XRN1: variants seen among roughly 807,000 people sequenced by gnomAD.
XRN1 encodes the protein 5'-3' exoribonuclease 1.
In XRN1, 67 loss-of-function variants were observed where a neutral mutation model predicts 222.3. The ratio of observed to expected loss-of-function variants is 0.30; its 90% CI spans 0.25 to 0.37. The LOEUF is 0.37. Among genes scored for constraint, XRN1 ranks in the 10% least tolerant of loss-of-function variants. XRN1 has a pLI of 1.00. For synonymous variants in XRN1, 643 were observed against 652.4 expected (o/e 0.99, Z 0.22); for missense variants, 1,707 against 2,000.2 (o/e 0.85, Z 2.80).
chr3:142,358,340 C>T (rs1445982703), intron 30 of XRN1, among the ~76,000 whole-genome samples: 3 of 152,086 alleles, frequency 2.0e-5, no homozygotes, highest in African/African-American at 7.2e-5. Flanking sequence ...ATTAAAGAAT[C>T]CTTCTCTTGT....
intron 12 of XRN1, 32 bp downstream of exon 12, chr3:142,418,472 A>G (rs1212942187): frequency 3.3e-6 from 5 of 1,513,580 alleles, no homozygotes; most frequent in Non-Finnish European, 3.6e-6. Context: ...AATTTTTTCT[A>G]TTTTAAAATA....
At chr3:142,396,680 C>G (rs1273491955) in intron 20 of XRN1, among the ~76,000 whole-genome samples, 1 of 152,092 alleles carries the variant, frequency 6.6e-6, no homozygotes, top group South Asian at 2.1e-4. Flanking sequence ...CTGAATTCTC[C>G]GAAAGCTTAT....
At chr3:142,405,627 G>C (rs532530838) in intron 15 of XRN1, among the ~76,000 whole-genome samples, 2 of 152,152 alleles carry the variant, frequency 1.3e-5, no homozygotes, top group South Asian at 2.1e-4. Flanking sequence ...TTTTGATAAA[G>C]CTACTGTAAT....
At position 142,310,709 on chromosome 3, in the gene XRN1, TTTTA is replaced by T. The variant is rs1487013184; in HGVS notation, c.*798_*801del. ...TAATTAACATGACTAATATTTCATA[TTTTA>T]TTTTGTTAGAAGATTAATTTGTAAT... On this transcript the variant is annotated 3_prime_UTR_variant, in exon 41 of 41. Transcript: ENST00000392981. 5 of 152,646 alleles carry T rather than the reference TTTTA, an allele frequency of 3.3e-5. No homozygotes were observed. The highest frequency in any genetic ancestry group is 1.2e-4 in the African/African-American group (5 of 41,462). The allele number at this position is 152,646 out of a possible 1,614,324, so 9.5% of individuals were successfully genotyped here.
intron 19 of XRN1, among the ~76,000 whole-genome samples, chr3:142,399,963 CAAAA>C (rs565626876): frequency 1.1e-3 from 161 of 151,490 alleles, no homozygotes; most frequent in Admixed American, 4.3e-3. Context: ...AAAAAAACGA[CAAAA>C]AATAATTTAT....
chr3:142,307,521 TA>T lies in XRN1; in HGVS notation c.*3989del, dbSNP rs1400651960. 6.6e-6 allele frequency: 1 copy of T among 152,196 alleles called. No homozygotes were observed. The highest frequency in any genetic ancestry group is 2.4e-5 in the African/African-American group (1 of 41,458). 9.4% of individuals were successfully genotyped at this position (152,196 alleles called of 1,614,324 possible). On this transcript the variant is annotated 3_prime_UTR_variant, in exon 41 of 41. Transcript: ENST00000392981. ...TCACTGACACACACACAAAAGCAGC[TA>T]CAGATAGTTGACATTTTGGACTACT...
At chr3:142,393,888 G>A (rs556326724) in intron 20 of XRN1, among the ~76,000 whole-genome samples, 1 of 151,192 alleles carries the variant, frequency 6.6e-6, no homozygotes, top group East Asian at 1.9e-4. Flanking sequence ...GTGCAGTGGT[G>A]TGATCTTGGC....
At chr3:142,355,584 T>C in intron 31 of XRN1, 88 bp from the exon 32 acceptor site, 1 of 902,210 alleles carries the variant, frequency 1.1e-6, no homozygotes, top group Non-Finnish European at 1.7e-6. Context: ...TCTATTAATG[T>C]TATTCAGTGG....
At chr3:142,324,790 A>T (rs999120902) in intron 37 of XRN1, among the ~76,000 whole-genome samples, 57 of 152,046 alleles carry the variant, frequency 3.7e-4, no homozygotes, top group African/African-American at 1.4e-3. Context: ...TCACCATTCT[A>T]ACTGGTGTGA....
intron 35 of XRN1, 97 bp from the exon 36 acceptor site, chr3:142,332,631 C>T: frequency 1.7e-6 from 2 of 1,153,634 alleles, no homozygotes; most frequent in Non-Finnish European, 2.4e-6. Flanking sequence ...GAAAGAATTC[C>T]ATTGTTAACA....
Position 142,310,028 on chromosome 3 carries a change from T to C in XRN1, c.*1483A>G, listed in dbSNP as rs1014055398. 6.6e-6 allele frequency: 1 copy of C among 152,604 alleles called. No individual in the cohort carries two copies. Among genetic ancestry groups the C allele is most frequent in the African/African-American group, 2.4e-5 (1 of 41,442 alleles). The allele number at this position is 152,604 out of a possible 1,614,324, so 9.5% of individuals were successfully genotyped here. A position where few individuals can be genotyped will look rare whatever the true frequency, so the allele number is the denominator to read the frequency against. On this transcript the variant is annotated 3_prime_UTR_variant, in exon 41 of 41. Transcript: ENST00000392981. ...AAAATCATGGAAACTTATACGACTATGATAAATGACAGATAATGAATATTT... is the reference window on the plus strand; with the variant it reads ...AAAATCATGGAAACTTATACGACTACGATAAATGACAGATAATGAATATTT...
Position 142,318,916 on chromosome 3 carries a change from A to AAT in XRN1, c.4405-15_4405-14dup. 1 of 1,601,562 alleles carries AAT rather than the reference A, an allele frequency of 6.2e-7. No homozygotes were observed. The highest frequency in any genetic ancestry group is 1.3e-5 in the African/African-American group (1 of 74,712). ...AAACGGTCATTGTCTAAAAAAAGAGAATATATATGTCTATGAAATTCTCTG... is the reference window on the plus strand; with the variant it reads ...AAACGGTCATTGTCTAAAAAAAGAGAATATATATATGTCTATGAAATTCTCTG... On this transcript the variant is annotated splice_polypyrimidine_tract_variant and intron_variant, in intron 37 of 40. Coordinates refer to ENST00000392981, the MANE Select transcript of XRN1 (RefSeq NM_001282857.2).
At chr3:142,387,871 C>T (rs1364638663) in intron 20 of XRN1, among the ~76,000 whole-genome samples, 1 of 151,980 alleles carries the variant, frequency 6.6e-6, no homozygotes, top group African/African-American at 2.4e-5. Flanking sequence ...AAGAACCTGG[C>T]ACCTCCCTCC....
At chr3:142,445,857 CCT>C (rs2070474228) in intron 1 of XRN1, among the ~76,000 whole-genome samples, 1 of 152,212 alleles carries the variant, frequency 6.6e-6, no homozygotes, top group African/African-American at 2.4e-5. Flanking sequence ...GAATAAAACT[CCT>C]CTGTTTCAGC....
intron 8 of XRN1, 65 bp from the exon 9 acceptor site, chr3:142,421,608 A>T (rs2069037437): frequency 8.4e-7 from 1 of 1,185,760 alleles, no homozygotes; most frequent in Non-Finnish European, 1.2e-6. Context: ...ATTCTACAAA[A>T]CTCTTTCTAC....
chr3:142,416,449 G>A (rs1458356804), intron 13 of XRN1, among the ~76,000 whole-genome samples: 2 of 152,154 alleles, frequency 1.3e-5, no homozygotes, highest in African/African-American at 4.8e-5. Flanking sequence ...CTCCCAAAGC[G>A]ATGGGATTAG....
intron 33 of XRN1, among the ~76,000 whole-genome samples, chr3:142,338,814 C>T (rs1465291123): frequency 6.6e-6 from 1 of 152,164 alleles, no homozygotes. Flanking sequence ...CCTAGCAGTA[C>T]TCCCCATGGG....
At chr3:142,400,365 A>G (rs1577366354) in intron 19 of XRN1, 79 bp downstream of exon 19, 2 of 1,211,484 alleles carry the variant, frequency 1.7e-6, no homozygotes, top group African/African-American at 3.1e-5. Flanking sequence ...TTTGTCAGTT[A>G]AAAAAATGAA....
At chr3:142,378,941 T>C (rs942659025) in intron 23 of XRN1, among the ~76,000 whole-genome samples, 5 of 151,926 alleles carry the variant, frequency 3.3e-5, no homozygotes, top group African/African-American at 9.7e-5. Flanking sequence ...AACAACAATA[T>C]GGAAACGAGA....
Sources: allele counts gnomAD v4.1 joint callset (sites outside exome capture counted in the v4.1 genomes callset), GRCh38; gene constraint gnomAD v4.1.1; transcripts MANE v1.5; gene names NCBI Gene and HGNC (gene_info 2026-07-23, HGNC 2026-07-21).